KIRREL3: variants seen among roughly 807,000 people sequenced by gnomAD.
The protein encoded by KIRREL3 is kin of IRRE-like protein 3.
Under a neutral mutation model 89.7 loss-of-function variants are expected in KIRREL3, and 36 were observed. The observed-to-expected ratio is 0.40, with a 90% CI of 0.31 to 0.53. KIRREL3 has a LOEUF of 0.53. KIRREL3 is among the 20% of genes least tolerant of loss of function. KIRREL3 has a pLI of 0.49. For synonymous variants in KIRREL3, 445 were observed against 441.4 expected (o/e 1.01, Z -0.10); for missense variants, 864 against 1,056.6 (o/e 0.82, Z 2.53).
chr11:126,936,498 C>T (rs761162314), intron 1 of KIRREL3: 48 of 149,454 alleles, frequency 3.2e-4, no homozygotes, highest in Non-Finnish European at 6.5e-4. Context: ...AAATGTCCAT[C>T]GACTGGTAAA....
intron 1 of KIRREL3, among the ~76,000 whole-genome samples, chr11:126,713,807 C>T (rs757868299): frequency 1.3e-4 from 20 of 151,986 alleles, no homozygotes; most frequent in Non-Finnish European, 2.4e-4. Context: ...CTGAGGCTGA[C>T]GGGCGAGGAG....
intron 1 of KIRREL3, among the ~76,000 whole-genome samples, chr11:126,856,335 C>T (rs1040300851): frequency 3.9e-5 from 6 of 152,134 alleles, no homozygotes; most frequent in African/African-American, 1.4e-4. Context: ...CAAGTGAAGA[C>T]AAGATGGCCT....
rs1173611706 is a variant in KIRREL3 at position 126,562,077 on chromosome 11, C to T, written c.133+758G>A. 2.6e-5 allele frequency among the ~76,000 whole-genome samples: 4 copies of T among 152,238 alleles called. No individual in the cohort carries two copies. Among genetic ancestry groups the T allele is most frequent in the Non-Finnish European group, 5.9e-5 (4 of 68,038 alleles). On this transcript the variant is annotated intron_variant, in intron 2 of 16. Coordinates refer to ENST00000525144, the MANE Select transcript of KIRREL3 (RefSeq NM_032531.4). This position sits in a 1 kb window ranked among gnomAD's most constrained non-coding sequence, Gnocchi z 4.7. ...GACTTTAATGAATAAATGGCATCCC[C>T]AGCCATTGTTTATCTACTTTTGAAT...
rs537340200 is a variant in KIRREL3, at chr11:126,726,457, T to C, written c.56-163545A>G. ...ACCTTGGCTCACTGCAACCTCCTCC[T>C]CCTGGGTTCAAGCGATTCTCCTGCC... is the stretch of plus-strand genomic sequence containing the variant. On this transcript the variant is annotated intron_variant, in intron 1 of 16. Transcript: ENST00000525144. Among the ~76,000 whole-genome samples, 506 of 152,292 alleles carry C rather than the reference T, an allele frequency of 3.3e-3. 2 individuals are homozygous for C. The highest frequency in any genetic ancestry group is 5.5e-3 in the Non-Finnish European group (375 of 68,022).
At chr11:126,930,433 A>G (rs1428319922) in intron 1 of KIRREL3, among the ~76,000 whole-genome samples, 1 of 152,190 alleles carries the variant, frequency 6.6e-6, no homozygotes, top group Non-Finnish European at 1.5e-5. Flanking sequence ...CTCCAAATCC[A>G]TGCTCAATCC....
Position 126,990,273 on chromosome 11 carries a change from A to G in KIRREL3, c.55+10182T>C, listed in dbSNP as rs1949993374. On this transcript the variant is annotated intron_variant, in intron 1 of 16. Coordinates refer to ENST00000525144, the MANE Select transcript of KIRREL3 (RefSeq NM_032531.4). The surrounding 1 kb of genome is among the most constrained non-coding windows in gnomAD (Gnocchi z 6.3). ...TCTCAAGCCCCTCTGAGCATTTGCAATTGTACCCCCTTAGCTGCTGCCACC... is the reference window on the plus strand; with the variant it reads ...TCTCAAGCCCCTCTGAGCATTTGCAGTTGTACCCCCTTAGCTGCTGCCACC... Among the ~76,000 whole-genome samples the G allele has an allele frequency of 6.6e-6, 1 of 152,020 alleles. No homozygotes were observed. The highest frequency in any genetic ancestry group is 2.4e-5 in the African/African-American group (1 of 41,376).
In KIRREL3 at chr11:126,526,419, T is replaced by C; in HGVS notation, c.283+119A>G. The C allele has an allele frequency of 9.8e-7, 1 of 1,016,748 alleles. No homozygotes were observed. Among genetic ancestry groups the C allele is most frequent in the Non-Finnish European group, 1.4e-6 (1 of 697,752 alleles). 63.0% of individuals were successfully genotyped at this position (1,016,748 alleles called of 1,614,324 possible). A position where few individuals can be genotyped will look rare whatever the true frequency, so the allele number is the denominator to read the frequency against. On this transcript the variant is annotated intron_variant, in intron 3 of 16. Transcript: ENST00000525144. The surrounding 1 kb of genome is among the most constrained non-coding windows in gnomAD (Gnocchi z 5.7). Reference sequence around the variant, plus strand: ...CCTGACTCTGCCTGAGGAGTTGCAGTGAAAGCTAGAGATTCGATACTCAGA... The same window carrying C: ...CCTGACTCTGCCTGAGGAGTTGCAGCGAAAGCTAGAGATTCGATACTCAGA...
chr11:126,957,745 C>T (rs564200663), intron 1 of KIRREL3, among the ~76,000 whole-genome samples: 1 of 152,314 alleles, frequency 6.6e-6, no homozygotes, highest in Non-Finnish European at 1.5e-5. Context: ...GTCAGGTCAC[C>T]TTAACATCTG....
Position 126,562,764 on chromosome 11 carries a change from G to T in KIRREL3, c.133+71C>A. ...CCAGGTTCTTATTCCTGGTTCCTCT[G>T]TCCTGTGGCTGTAGGGGAGAGCTTC... On this transcript the variant is annotated intron_variant, in intron 2 of 16. Transcript: ENST00000525144. This position sits in a 1 kb window ranked among gnomAD's most constrained non-coding sequence, Gnocchi z 4.7. The T allele has an allele frequency of 7.6e-7, 1 of 1,310,048 alleles. No homozygotes were observed. The highest frequency in any genetic ancestry group is 1.1e-6 in the Non-Finnish European group (1 of 905,742). 81.2% of individuals were successfully genotyped at this position (1,310,048 alleles called of 1,614,324 possible). A position where few individuals can be genotyped will look rare whatever the true frequency, so the allele number is the denominator to read the frequency against.
At chr11:126,779,388 G>T (rs1251168015) in intron 1 of KIRREL3, among the ~76,000 whole-genome samples, 1 of 152,114 alleles carries the variant, frequency 6.6e-6, no homozygotes, top group Non-Finnish European at 1.5e-5. Context: ...CCTGAAACCT[G>T]TTGTCTCCCT....
intron 1 of KIRREL3, among the ~76,000 whole-genome samples, chr11:126,910,989 C>G (rs1946793411): frequency 6.6e-6 from 1 of 152,156 alleles, no homozygotes; most frequent in African/African-American, 2.4e-5. Flanking sequence ...CTTTATAACA[C>G]CCTCTGCACC....
rs1264533248 is a variant in KIRREL3, at chr11:126,948,408, A to G, written c.55+52047T>C. Among the ~76,000 whole-genome samples the G allele has an allele frequency of 6.6e-6, 1 of 152,192 alleles. No individual in the cohort carries two copies. The highest frequency in any genetic ancestry group is 1.5e-5 in the Non-Finnish European group (1 of 68,038). On this transcript the variant is annotated intron_variant, in intron 1 of 16. Coordinates refer to ENST00000525144, the MANE Select transcript of KIRREL3 (RefSeq NM_032531.4). The surrounding 1 kb of genome is among the most constrained non-coding windows in gnomAD (Gnocchi z 4.5). ...ACCATGGGGTATTAGCTAAGGTCCAAGAGAGTCAAGTGCTATGCTCAGAGC... is the reference window on the plus strand; with the variant it reads ...ACCATGGGGTATTAGCTAAGGTCCAGGAGAGTCAAGTGCTATGCTCAGAGC...
rs1394684182 is a variant in KIRREL3 at position 126,766,200 on chromosome 11, C to G, written c.56-203288G>C. On this transcript the variant is annotated intron_variant, in intron 1 of 16. Transcript: ENST00000525144. This position sits in a 1 kb window ranked among gnomAD's most constrained non-coding sequence, Gnocchi z 4.2. The stretch of plus-strand genomic sequence containing the variant: ...GAGTCTCTACCTCTCTCCTCCTCCC[C>G]TCTCTTCTCCTTGTCTTCCTGGCCC... 1.3e-5 allele frequency among the ~76,000 whole-genome samples: 2 copies of G among 152,004 alleles called. No individual in the cohort carries two copies. The highest frequency in any genetic ancestry group is 2.9e-5 in the Non-Finnish European group (2 of 68,010).
chr11:126,768,455 G>T lies in KIRREL3; in HGVS notation c.56-205543C>A, dbSNP rs1276538562. 1.3e-5 allele frequency among the ~76,000 whole-genome samples: 2 copies of T among 152,240 alleles called. No individual in the cohort carries two copies. The highest frequency in any genetic ancestry group is 2.4e-5 in the African/African-American group (1 of 41,462). ...CAAGGATCTTATGAACTTGGTTTATGAGATCCTTGGTTTAGTGTGTGTTGA... is the reference window on the plus strand; with the variant it reads ...CAAGGATCTTATGAACTTGGTTTATTAGATCCTTGGTTTAGTGTGTGTTGA... On this transcript the variant is annotated intron_variant, in intron 1 of 16. Transcript: ENST00000525144. The surrounding 1 kb of genome is among the most constrained non-coding windows in gnomAD (Gnocchi z 4.5).
chr11:126,835,900 A>G (rs1479126899), intron 1 of KIRREL3, among the ~76,000 whole-genome samples: 5 of 152,208 alleles, frequency 3.3e-5, no homozygotes, highest in Non-Finnish European at 7.3e-5. Context: ...TGGGCAATCA[A>G]TCAATCAAGC....
rs1026824981 is a variant in KIRREL3 at position 126,485,826 on chromosome 11, A to T, written c.434-12360T>A. 6.6e-6 allele frequency among the ~76,000 whole-genome samples: 1 copy of T among 152,180 alleles called. No individual in the cohort carries two copies. Among genetic ancestry groups the T allele is most frequent in the African/African-American group, 2.4e-5 (1 of 41,450 alleles). ...TTAAACCACTAGAGCGATGACAAGG[A>T]GGTCACAGACCCAAAGATCCCACAG... is the stretch of plus-strand genomic sequence containing the variant. On this transcript the variant is annotated intron_variant, in intron 4 of 16. Coordinates refer to ENST00000525144, the MANE Select transcript of KIRREL3 (RefSeq NM_032531.4). The surrounding 1 kb of genome is among the most constrained non-coding windows in gnomAD (Gnocchi z 5.8).
intron 1 of KIRREL3, among the ~76,000 whole-genome samples, chr11:126,688,944 G>C (rs753200453): frequency 3.3e-5 from 5 of 151,872 alleles, no homozygotes; most frequent in Admixed American, 6.6e-5. Flanking sequence ...AAAATGGTAG[G>C]ACAGGAAGAT....
intron 1 of KIRREL3, among the ~76,000 whole-genome samples, chr11:126,873,459 C>T (rs78909567): frequency 0.018 from 2,787 of 152,298 alleles, 81 homozygotes; most frequent in African/African-American, 0.061. Flanking sequence ...ACACCAATTT[C>T]ACATTTCCCT....
Position 126,867,906 on chromosome 11 carries a change from C to A in KIRREL3, c.55+132549G>T, listed in dbSNP as rs1168327682. Among the ~76,000 whole-genome samples the A allele has an allele frequency of 6.6e-6, 1 of 152,058 alleles. No homozygotes were observed. The highest frequency in any genetic ancestry group is 1.9e-4 in the East Asian group (1 of 5,190). On this transcript the variant is annotated intron_variant, in intron 1 of 16. Transcript: ENST00000525144. This position sits in a 1 kb window ranked among gnomAD's most constrained non-coding sequence, Gnocchi z 4.7. The stretch of plus-strand genomic sequence containing the variant: ...CATGCATGTCTTATATATCTGTATC[C>A]CCTACAGCACCTAACCTCAGAGCTA...
Sources: allele counts gnomAD v4.1 joint callset (sites outside exome capture counted in the v4.1 genomes callset), GRCh38; gene constraint gnomAD v4.1.1; non-coding constraint Gnocchi (gnomAD v3.1); transcripts MANE v1.5; gene names NCBI Gene and HGNC (gene_info 2026-07-23, HGNC 2026-07-21).